The following TNN variants were observed in gnomAD, a reference collection of about 807,000 sequenced individuals.
TNN encodes tenascin-N.
A neutral mutation model predicts 134.4 loss-of-function variants in TNN; 122 were observed. The observed-to-expected ratio is 0.91, with a 90% CI of 0.78 to 1.06. TNN has a LOEUF of 1.06. TNN is among the 50% of genes least tolerant of loss of function. The pLI is 0.00. For synonymous variants in TNN, 710 were observed against 670.3 expected (o/e 1.06, Z -0.91); for missense variants, 1,739 against 1,699.4 (o/e 1.02, Z -0.41).
chr1:175,096,826 G>C (rs959516145), intron 7 of TNN, among the ~76,000 whole-genome samples: 1 of 152,180 alleles, frequency 6.6e-6, no homozygotes, highest in Non-Finnish European at 1.5e-5. Context: ...TAGCCACCAG[G>C]AAGAGATGGA....
intron 7 of TNN, 57 bp downstream of exon 7, chr1:175,094,310 T>G: frequency 6.9e-7 from 1 of 1,455,960 alleles, no homozygotes; most frequent in East Asian, 2.4e-5. Context: ...AAGGTTGATT[T>G]TTGAATCAGG....
chr1:175,077,946 G>C (rs1182978871), intron 2 of TNN, 119 bp downstream of exon 2: 4 of 1,074,336 alleles, frequency 3.7e-6, no homozygotes, highest in Admixed American at 2.8e-5. Flanking sequence ...TTCTCATTCT[G>C]GGTTTTCTCT....
intron 1 of TNN, among the ~76,000 whole-genome samples, chr1:175,070,648 A>T (rs1350171346): frequency 6.6e-6 from 1 of 152,228 alleles, no homozygotes; most frequent in Non-Finnish European, 1.5e-5. Context: ...CCTATATTCA[A>T]CATCACAGAG....
chr1:175,138,974 A>G (rs967096136), intron 17 of TNN, among the ~76,000 whole-genome samples: 3 of 152,250 alleles, frequency 2.0e-5, no homozygotes, highest in African/African-American at 7.2e-5. Flanking sequence ...ATGTAAACAT[A>G]GAAAAGGCAC....
At chr1:175,075,920 CTG>C (rs1674028489) in intron 1 of TNN, among the ~76,000 whole-genome samples, 1 of 152,210 alleles carries the variant, frequency 6.6e-6, no homozygotes, top group Non-Finnish European at 1.5e-5. Flanking sequence ...CAGGAGAGGA[CTG>C]TGTTTCCTGA....
At chr1:175,125,970 T>C (rs1028975460) in intron 12 of TNN, among the ~76,000 whole-genome samples, 1 of 149,554 alleles carries the variant, frequency 6.7e-6, no homozygotes, top group African/African-American at 2.5e-5. Context: ...TCCTTCTCTC[T>C]CTCTCTCTCT....
intron 11 of TNN, among the ~76,000 whole-genome samples, chr1:175,122,905 G>T (rs1181940137): frequency 6.6e-6 from 1 of 152,180 alleles, no homozygotes. Context: ...GGGTGGGAAG[G>T]CCTAAAATTC....
At chr1:175,112,596 A>ATTTT (rs1244528758) in intron 9 of TNN, among the ~76,000 whole-genome samples, 2 of 8,062 alleles carry the variant, frequency 2.5e-4, no homozygotes. Flanking sequence ...CAGCCGGCCG[A>ATTTT]TCTTTTTTTT....
intron 4 of TNN, among the ~76,000 whole-genome samples, chr1:175,082,141 C>T (rs1016489192): frequency 6.6e-6 from 1 of 152,196 alleles, no homozygotes; most frequent in Non-Finnish European, 1.5e-5. Context: ...CTGGCAGAGT[C>T]TGCTTTTCTC....
chr1:175,091,665 T>C (rs11582121), intron 6 of TNN, among the ~76,000 whole-genome samples: 21,847 of 151,876 alleles, frequency 0.14, 1,795 homozygotes, highest in Non-Finnish European at 0.19. Context: ...CTCAGCTTAC[T>C]GCAACCTCTG....
chr1:175,096,712 A>G (rs1372911790), intron 7 of TNN, among the ~76,000 whole-genome samples: 1 of 152,210 alleles, frequency 6.6e-6, no homozygotes, highest in Non-Finnish European at 1.5e-5. Flanking sequence ...TTTGCTATGC[A>G]ATATCTCATT....
intron 9 of TNN, 56 bp downstream of exon 9, chr1:175,098,651 G>A (rs1674639172): frequency 1.1e-5 from 18 of 1,607,386 alleles, no homozygotes; most frequent in African/African-American, 2.7e-5. Context: ...TGTCTACATG[G>A]GGTTTTCTTC....
At chr1:175,109,347 CA>C (rs1674960371) in intron 9 of TNN, among the ~76,000 whole-genome samples, 2 of 151,386 alleles carry the variant, frequency 1.3e-5, no homozygotes, top group African/African-American at 4.9e-5. Flanking sequence ...CTCGGCCTCC[CA>C]AAGTGCTGGG....
At chr1:175,144,578 T>G (rs1320223470) in intron 18 of TNN, 28 bp downstream of exon 18, 2 of 1,609,914 alleles carry the variant, frequency 1.2e-6, no homozygotes, top group East Asian at 4.5e-5. Flanking sequence ...GTCTTTTCTG[T>G]CCCAGGGTAT....
Position 175,123,471 on chromosome 1 carries a change from G to A in TNN, c.2722G>A (p.Val908Ile), listed in dbSNP as rs779591210. Residue 908 changes from valine to isoleucine, a missense_variant, in exon 12 of 19, where the codon GTT (valine) becomes ATT (isoleucine). Transcript: ENST00000239462. ...ENMATVSWDP[V>I]QATIDKYMVR... Reference sequence around the variant, plus strand: ...TATGGCCACTGTCTCCTGGGACCCGGTTCAGGCCACCATTGACAAGTACAT... The same window carrying A: ...TATGGCCACTGTCTCCTGGGACCCGATTCAGGCCACCATTGACAAGTACAT... 1.2e-6 allele frequency: 2 copies of A among 1,614,210 alleles called. No homozygotes were observed. Among genetic ancestry groups the A allele is most frequent in the South Asian group, 2.2e-5 (2 of 91,090 alleles).
chr1:175,123,799 C>T (rs768498057), intron 12 of TNN, 136 bp downstream of exon 12: 26 of 1,273,572 alleles, frequency 2.0e-5, no homozygotes, highest in East Asian at 5.0e-5. Context: ...TCCTTTTTTA[C>T]GTCTTTGAGC....
chr1:175,145,871 C>A (rs983950681), intron 18 of TNN, among the ~76,000 whole-genome samples: 2 of 152,150 alleles, frequency 1.3e-5, no homozygotes, highest in Non-Finnish European at 1.5e-5. Context: ...AAAATTGCAT[C>A]TTTGTCTCTG....
intron 15 of TNN, 39 bp downstream of exon 15, chr1:175,128,785 C>T: frequency 6.4e-7 from 1 of 1,568,100 alleles, no homozygotes; most frequent in Non-Finnish European, 8.7e-7. Context: ...TGTGTAGGGC[C>T]TTCCTTCTCA....
chr1:175,115,116 C>T (rs1294862510), intron 9 of TNN, among the ~76,000 whole-genome samples: 1 of 152,046 alleles, frequency 6.6e-6, no homozygotes, highest in African/African-American at 2.4e-5. Flanking sequence ...GGTGTCTTAG[C>T]CAACCACTGC....
Sources: gnomAD v4.1 joint callset for allele counts (sites outside exome capture counted in the v4.1 genomes callset) on GRCh38, gnomAD v4.1.1 for gene constraint, MANE v1.5 for transcripts, NCBI Gene and HGNC (gene_info 2026-07-23, HGNC 2026-07-21) for gene names.